The following ALK variants were observed in gnomAD, a reference collection of about 807,000 sequenced individuals.
The protein encoded by ALK is ALK tyrosine kinase receptor.
Under a neutral mutation model 163.1 loss-of-function variants are expected in ALK, and 74 were observed. The ratio of observed to expected loss-of-function variants is 0.45; its 90% CI spans 0.38 to 0.55. The LOEUF (loss-of-function observed/expected upper bound fraction) is 0.55, where lower values mean the gene tolerates loss of function less well. Ranked by LOEUF, ALK falls within the 20% of genes least tolerant of loss-of-function variation. ALK has a pLI of 0.00. For missense variants in ALK, 2,063 were observed against 2,105.3 expected, an observed-to-expected ratio of 0.98 and a Z score of 0.39; for synonymous variants, 960 against 843.2, an observed-to-expected ratio of 1.14 and a Z score of -2.40.
intron 3 of ALK, among the ~76,000 whole-genome samples, chr2:29,660,936 C>T (rs928574793): frequency 2.0e-5 from 3 of 152,108 alleles, no homozygotes; most frequent in Non-Finnish European, 4.4e-5. Context: ...TCATGGAAAC[C>T]GTAGTGCTCC....
chr2:29,692,874 G>A (rs989577891), intron 3 of ALK, among the ~76,000 whole-genome samples: 3 of 152,224 alleles, frequency 2.0e-5, no homozygotes, highest in Admixed American at 6.5e-5. Context: ...GAGATCAATT[G>A]TGATATTTTT....
intron 1 of ALK, among the ~76,000 whole-genome samples, chr2:29,789,111 T>C (rs1021306493): frequency 8.6e-5 from 13 of 150,622 alleles, no homozygotes; most frequent in African/African-American, 3.2e-4. Flanking sequence ...GTCATTGCAA[T>C]ATCCCAAGGC....
chr2:29,884,452 A>G lies in ALK; in HGVS notation c.667+35541T>C, dbSNP rs559441612. ...ATTTCAAGATAAATGAATCCAGCAT[A>G]AAGACCATTGTAAAAAAAAAAATGT... On this transcript the variant is annotated intron_variant, in intron 1 of 28. Transcript: ENST00000389048. 4.6e-3 allele frequency among the ~76,000 whole-genome samples: 704 copies of G among 152,298 alleles called. 1 individual carries two copies. The highest frequency in any genetic ancestry group is 8.1e-3 in the Non-Finnish European group (552 of 68,024).
At chr2:29,906,957 T>C (rs1183346067) in intron 1 of ALK, among the ~76,000 whole-genome samples, 1 of 142,914 alleles carries the variant, frequency 7.0e-6, no homozygotes, top group Non-Finnish European at 1.5e-5. Flanking sequence ...TTTTTTTTTT[T>C]TTTTTTTTTT....
At position 29,228,952 on chromosome 2, in the gene ALK, T is replaced by TCCC; in HGVS notation, c.2744_2746dup (p.Trp915_Glu916insGly). 1.2e-6 allele frequency: 1 copy of TCCC among 838,914 alleles called. No homozygotes were observed. The highest frequency in any genetic ancestry group is 1.7e-6 in the Non-Finnish European group (1 of 585,146). 52.0% of individuals were successfully genotyped at this position (838,914 alleles called of 1,614,324 possible). ...ACCCCCTCCGAAACCCCCTCTTGTC[T>TCCC]CCCACCCCCACTTCTTCATGGCCTG... On this transcript the variant is annotated inframe_insertion, in exon 16 of 29. Coordinates refer to ENST00000389048, the MANE Select transcript of ALK (RefSeq NM_004304.5).
chr2:29,830,323 G>C (rs1469923507), intron 1 of ALK, among the ~76,000 whole-genome samples: 1 of 152,100 alleles, frequency 6.6e-6, no homozygotes, highest in African/African-American at 2.4e-5. Flanking sequence ...ACGTAATCTA[G>C]GAGAAAAATC....
intron 5 of ALK, among the ~76,000 whole-genome samples, chr2:29,356,428 A>G (rs532951779): frequency 6.6e-6 from 1 of 151,678 alleles, no homozygotes; most frequent in African/African-American, 2.4e-5. Context: ...CTTAACCTCT[A>G]TGCTATACTC....
chr2:29,783,490 AC>A (rs1244841645), intron 1 of ALK, among the ~76,000 whole-genome samples: 5 of 152,238 alleles, frequency 3.3e-5, no homozygotes, highest in African/African-American at 1.2e-4. Flanking sequence ...GAAATCAGAC[AC>A]ATAAAAATTA....
chr2:29,454,830 AC>A (rs1174306346), intron 4 of ALK, among the ~76,000 whole-genome samples: 1 of 152,186 alleles, frequency 6.6e-6, no homozygotes, highest in Non-Finnish European at 1.5e-5. Flanking sequence ...GGCAATTGAT[AC>A]ATATAGTTAA....
chr2:29,293,687 T>C (rs564631717), intron 9 of ALK, among the ~76,000 whole-genome samples: 3 of 151,896 alleles, frequency 2.0e-5, no homozygotes, highest in Admixed American at 6.6e-5. Context: ...GAAGGGGAGA[T>C]TGAGAGAGAA....
In ALK at chr2:29,222,560, G is replaced by T. The variant is rs2148169250; in HGVS notation, c.3407C>A (p.Ser1136Tyr). ...AFGEVYEGQV[S>Y]GMPNDPSPLQ... ...GGGGCTTGGGTCGTTGGGCATTCCG[G>T]ACACCTGGCCTTCATACACCTCCCC... Residue 1136 changes from serine (S) to tyrosine (Y), a missense_variant, in exon 21 of 29, where the codon TCC becomes TAC. Physicochemically the swap from Ser to Tyr is moderately radical, Grantham distance 144. Around this residue, in one of 5 missense-constraint regions of ALK, gnomAD observed 575 missense variants for 626.6 expected, o/e 0.92. Coordinates refer to ENST00000389048, the MANE Select transcript of ALK (RefSeq NM_004304.5). 6.2e-7 allele frequency: 1 copy of T among 1,614,042 alleles called. No homozygotes were observed. Among genetic ancestry groups the T allele is most frequent in the Non-Finnish European group, 8.5e-7 (1 of 1,180,026 alleles).
chr2:29,896,421 T>C (rs187789429), intron 1 of ALK, among the ~76,000 whole-genome samples: 8 of 152,214 alleles, frequency 5.3e-5, no homozygotes, highest in Non-Finnish European at 7.4e-5. Flanking sequence ...AGCCTTTAAA[T>C]AGGTAATTAA....
At chr2:29,496,425 GCACAGGATGC>G (rs1291718268) in intron 4 of ALK, among the ~76,000 whole-genome samples, 1 of 152,176 alleles carries the variant, frequency 6.6e-6, no homozygotes, top group African/African-American at 2.4e-5. Flanking sequence ...GCTGTGTCCT[GCACAGGATGC>G]CACATCTAAG....
At chr2:29,919,539 G>A (rs1237103815) in intron 1 of ALK, among the ~76,000 whole-genome samples, 1 of 152,156 alleles carries the variant, frequency 6.6e-6, no homozygotes, top group African/African-American at 2.4e-5. Flanking sequence ...ATAATATGAA[G>A]AGAAATTCTA....
rs371441614 is a variant in ALK at position 29,232,382 on chromosome 2, T to C, written c.2554A>G (p.Lys852Glu). ...AGGGGRAYGA[K>E]TDTFHPERLE... ...CTCTCTGGGTGGAACGTGTCTGTCT[T>C]GGCCCCGTAGGCCCTGCCACCACCT... The change falls in exon 15 of 29, where the codon AAG becomes GAG. Residue 852 changes from lysine to glutamate, a missense_variant. Coordinates refer to ENST00000389048, the MANE Select transcript of ALK (RefSeq NM_004304.5). 2.7e-5 allele frequency: 43 copies of C among 1,614,268 alleles called. No individual in the cohort carries two copies. The Admixed American group carries it at 4.5e-4, about 17-fold the overall frequency.
At chr2:29,698,198 C>A (rs1428855097) in intron 2 of ALK, among the ~76,000 whole-genome samples, 2 of 152,302 alleles carry the variant, frequency 1.3e-5, no homozygotes, top group East Asian at 3.9e-4. Context: ...TGTCCAGGAA[C>A]CACAGGCTGC....
chr2:29,685,565 A>G (rs372212296), intron 3 of ALK, among the ~76,000 whole-genome samples: 1 of 152,194 alleles, frequency 6.6e-6, no homozygotes, highest in East Asian at 1.9e-4. Context: ...TATGTAAGTC[A>G]GTTTGTCTTG....
intron 5 of ALK, among the ~76,000 whole-genome samples, chr2:29,368,462 A>C (rs891283541): frequency 6.6e-6 from 1 of 152,226 alleles, no homozygotes; most frequent in Admixed American, 6.5e-5. Context: ...ATGAGTATGC[A>C]AATAAAATTT....
chr2:29,798,461 C>T (rs1241940492), intron 1 of ALK, among the ~76,000 whole-genome samples: 1 of 152,200 alleles, frequency 6.6e-6, no homozygotes, highest in Non-Finnish European at 1.5e-5. Flanking sequence ...ATTTAGAAAC[C>T]ATACATGATT....
Sources: allele counts gnomAD v4.1 joint callset (sites outside exome capture counted in the v4.1 genomes callset), GRCh38; gene constraint gnomAD v4.1.1; regional missense constraint gnomAD v4.1.1; transcripts MANE v1.5; gene names NCBI Gene and HGNC (gene_info 2026-07-23, HGNC 2026-07-21).